The following PIK3C2G variants were observed in gnomAD, a reference collection of about 807,000 sequenced individuals.
PIK3C2G encodes phosphatidylinositol-4-phosphate 3-kinase catalytic subunit type 2 gamma, also known as phosphatidylinositol 3-kinase C2 domain-containing subunit gamma.
PIK3C2G carries 168 observed loss-of-function variants against 181.1 expected under a neutral mutation model. That is an observed-to-expected ratio of 0.93 (90% CI 0.82 to 1.05). The LOEUF is 1.05. Among genes scored for constraint, PIK3C2G ranks in the 50% least tolerant of loss-of-function variants. The pLI is 0.00. For missense variants in PIK3C2G, 1,869 were observed against 1,732.8 expected, an observed-to-expected ratio of 1.08 and a Z score of -1.40; for synonymous variants, 573 against 592.2, an observed-to-expected ratio of 0.97 and a Z score of 0.47.
chr12:18,669,778 C>T, the PIK3C2G span, among the ~76,000 whole-genome samples: 2 of 152,154 alleles, frequency 1.3e-5, no homozygotes, highest in East Asian at 1.9e-4. Flanking sequence ...CTGCCTCAGC[C>T]TCCTGAGTAG....
Position 18,562,807 on chromosome 12 carries a change from C to T in PIK3C2G, c.3695C>T (p.Thr1232Ile). The T allele has an allele frequency of 6.2e-7, 1 of 1,608,046 alleles. No homozygotes were observed. The highest frequency in any genetic ancestry group is 8.5e-7 in the Non-Finnish European group (1 of 1,176,646). ...AISPAKSTSQTFPQESCLLST... is the reference protein window; with the variant it reads ...AISPAKSTSQIFPQESCLLST... ...AGCCCTGCCAAATCTACTTCACAGA[C>T]TTTTCCTCAGGAATCCTGTTTGCTG... The change falls in exon 27 of 33, where the codon ACT becomes ATT. Residue 1232 changes from threonine to isoleucine, a missense_variant. Transcript: ENST00000538779.
chr12:18,276,394 T>G (rs1948988057), intron 1 of PIK3C2G, among the ~76,000 whole-genome samples: 1 of 152,208 alleles, frequency 6.6e-6, no homozygotes. Flanking sequence ...CTGATTCAAC[T>G]GCTTTATTAT....
chr12:18,461,371 G>A lies in PIK3C2G; in HGVS notation c.2505-27078G>A, dbSNP rs74970498. Among the ~76,000 whole-genome samples the A allele has an allele frequency of 7.3e-3, 1,117 of 152,234 alleles. 7 individuals carry two copies. Among genetic ancestry groups the A allele is most frequent in the African/African-American group, 0.02 (832 of 41,526 alleles). Reference sequence around the variant, plus strand: ...AAAATATTGTTTCCAGTATTTTCCTGTGACTGTATATTCCCATTGAGATGA... The same window carrying A: ...AAAATATTGTTTCCAGTATTTTCCTATGACTGTATATTCCCATTGAGATGA... On this transcript the variant is annotated intron_variant, in intron 18 of 32. Coordinates refer to ENST00000538779, the MANE Select transcript of PIK3C2G (RefSeq NM_001288772.2).
chr12:18,662,755 T>G, the PIK3C2G span, among the ~76,000 whole-genome samples: 1 of 152,100 alleles, frequency 6.6e-6, no homozygotes, highest in East Asian at 1.9e-4. Flanking sequence ...CATATGTTAC[T>G]GAAGTTAAGC....
chr12:18,326,928 A>G (rs1283933414), intron 8 of PIK3C2G, among the ~76,000 whole-genome samples: 3 of 152,098 alleles, frequency 2.0e-5, no homozygotes, highest in Non-Finnish European at 2.9e-5. Flanking sequence ...TTTTTCACAC[A>G]CAAATTATTA....
chr12:18,580,869 G>C (rs1004388771), intron 29 of PIK3C2G, among the ~76,000 whole-genome samples: 1 of 152,158 alleles, frequency 6.6e-6, no homozygotes, highest in Non-Finnish European at 1.5e-5. Context: ...GACAGATTTA[G>C]CTTATTGTTT....
At chr12:18,679,284 T>A in the PIK3C2G span, among the ~76,000 whole-genome samples, 2 of 151,684 alleles carry the variant, frequency 1.3e-5, no homozygotes, top group African/African-American at 4.9e-5. Flanking sequence ...AGGCAGAAGT[T>A]CTTTTTAAAA....
Position 18,563,418 on chromosome 12 carries a change from C to G in PIK3C2G, c.3822C>G (p.Ser1274Arg). The change falls in exon 28 of 33, where the codon AGC becomes AGG. Residue 1274 changes from serine (S) to arginine (R), a missense_variant. Coordinates refer to ENST00000538779, the MANE Select transcript of PIK3C2G (RefSeq NM_001288772.2). ...IQVTHSNNET[S>R]LTEKSFEQFS... ...TGACACACAGCAACAACGAAACAAG[C>G]CTGACAGAAAAATCATTTGAGCAGT... The G allele has an allele frequency of 6.2e-7, 1 of 1,613,374 alleles. No homozygotes were observed. Among genetic ancestry groups the G allele is most frequent in the South Asian group, 1.1e-5 (1 of 91,026 alleles).
At chr12:18,654,503 C>A in the PIK3C2G span, among the ~76,000 whole-genome samples, 1 of 152,078 alleles carries the variant, frequency 6.6e-6, no homozygotes, top group African/African-American at 2.4e-5. Context: ...CGATTTCAGA[C>A]CGAAATCCCA....
At position 18,398,600 on chromosome 12, in the gene PIK3C2G, A is replaced by G. The variant is rs547710933; in HGVS notation, c.2127-1059A>G. 3.4e-3 allele frequency among the ~76,000 whole-genome samples: 512 copies of G among 152,322 alleles called. 3 individuals are homozygous for G. The highest frequency in any genetic ancestry group is 0.012 in the African/African-American group (481 of 41,578). On this transcript the variant is annotated intron_variant, in intron 15 of 32. Coordinates refer to ENST00000538779, the MANE Select transcript of PIK3C2G (RefSeq NM_001288772.2). ...GTCGTGTGAGGGAAGCTGTCCTCCA[A>G]TTGAACTGTGGTTCTGAATACTTCT...
intron 31 of PIK3C2G, among the ~76,000 whole-genome samples, chr12:18,611,035 A>G (rs1592711664): frequency 6.6e-6 from 1 of 152,058 alleles, no homozygotes; most frequent in African/African-American, 2.4e-5. Flanking sequence ...AGTGATATTA[A>G]CCAACCTAGT....
intron 29 of PIK3C2G, among the ~76,000 whole-genome samples, chr12:18,589,098 G>T (rs1331904388): frequency 6.6e-6 from 1 of 151,918 alleles, no homozygotes; most frequent in Non-Finnish European, 1.5e-5. Flanking sequence ...CTTGAGGGTG[G>T]ACGATAGGAG....
intron 29 of PIK3C2G, among the ~76,000 whole-genome samples, chr12:18,570,889 G>A (rs1565519637): frequency 6.6e-6 from 1 of 150,826 alleles, no homozygotes; most frequent in Non-Finnish European, 1.5e-5. Context: ...AGATGACTAA[G>A]AGTTTCTTCT....
At chr12:18,472,908 C>T (rs887896334) in intron 18 of PIK3C2G, among the ~76,000 whole-genome samples, 1 of 152,142 alleles carries the variant, frequency 6.6e-6, no homozygotes, top group African/African-American at 2.4e-5. Context: ...CCATGTTGGC[C>T]AGGCTGGTCA....
At position 18,313,999 on chromosome 12, in the gene PIK3C2G, G is replaced by C; in HGVS notation, c.1072G>C (p.Asp358His). The change falls in exon 6 of 33, where the codon GAT becomes CAT. Residue 358 changes from aspartate (D) to histidine (H), a missense_variant. Coordinates refer to ENST00000538779, the MANE Select transcript of PIK3C2G (RefSeq NM_001288772.2). ...CLGSHKMFQK[D>H]KSVIQLHLQK... Reference sequence around the variant, plus strand: ...GGGGAGCCACAAAATGTTTCAAAAAGATAAATCTGTTATTCAGCTCCACCT... The same window carrying C: ...GGGGAGCCACAAAATGTTTCAAAAACATAAATCTGTTATTCAGCTCCACCT... The C allele has an allele frequency of 6.3e-7, 1 of 1,591,866 alleles. No individual in the cohort carries two copies. Among genetic ancestry groups the C allele is most frequent in the Non-Finnish European group, 8.6e-7 (1 of 1,168,110 alleles).
At chr12:18,460,341 A>G (rs1947849212) in intron 18 of PIK3C2G, among the ~76,000 whole-genome samples, 1 of 152,044 alleles carries the variant, frequency 6.6e-6, no homozygotes, top group South Asian at 2.1e-4. Context: ...TGGAAGGCCA[A>G]GGAGGACGGA....
At chr12:18,525,132 T>C (rs1943150079) in intron 24 of PIK3C2G, among the ~76,000 whole-genome samples, 1 of 152,020 alleles carries the variant, frequency 6.6e-6, no homozygotes, top group African/African-American at 2.4e-5. Flanking sequence ...GGCTCATGCC[T>C]ATAATCCCAG....
chr12:18,426,324 T>A (rs1202556727), intron 18 of PIK3C2G, among the ~76,000 whole-genome samples: 1 of 152,190 alleles, frequency 6.6e-6, no homozygotes, highest in Non-Finnish European at 1.5e-5. Context: ...ACATTGATTT[T>A]TTTTTGTGAT....
intron 30 of PIK3C2G, among the ~76,000 whole-genome samples, chr12:18,608,633 A>C (rs1948180299): frequency 6.6e-6 from 1 of 152,042 alleles, no homozygotes; most frequent in African/African-American, 2.4e-5. Flanking sequence ...GGTGCAGCAC[A>C]CCAACATGGC....
Sources: gnomAD v4.1 joint callset for allele counts (sites outside exome capture counted in the v4.1 genomes callset) on GRCh38, gnomAD v4.1.1 for gene constraint, MANE v1.5 for transcripts, NCBI Gene and HGNC (gene_info 2026-07-23, HGNC 2026-07-21) for gene names.